TDRD1: variants seen among roughly 807,000 people sequenced by gnomAD.
The protein encoded by TDRD1 is tudor domain containing 1.
Under a neutral mutation model 140.6 loss-of-function variants are expected in TDRD1, and 37 were observed. That is an observed-to-expected ratio of 0.26 (90% CI 0.20 to 0.35). The LOEUF is 0.35. Among genes scored for constraint, TDRD1 ranks in the 10% least tolerant of loss-of-function variants. The pLI is 1.00. For synonymous variants in TDRD1, 506 were observed against 475.7 expected (o/e 1.06, Z -0.83); for missense variants, 1,243 against 1,393.0 (o/e 0.89, Z 1.71).
chr10:114,231,395 A>G (rs1262623848), intron 25 of TDRD1: 1 of 1,076,136 alleles, frequency 9.3e-7, no homozygotes, highest in African/African-American at 1.6e-5. Context: ...TTAAAAGTGA[A>G]TATTTTGTTT....
chr10:114,177,839 T>C (rs2032740014), upstream of TDRD1, among the ~76,000 whole-genome samples: 2 of 149,376 alleles, frequency 1.3e-5, no homozygotes, highest in African/African-American at 2.5e-5. Context: ...TTTTTCTTTT[T>C]TTTTTTTTTT....
intron 3 of TDRD1, among the ~76,000 whole-genome samples, chr10:114,194,413 T>C (rs1414711989): frequency 1.3e-5 from 2 of 152,182 alleles, no homozygotes; most frequent in African/African-American, 2.4e-5. Flanking sequence ...TCATATTGTG[T>C]TTGCATTTTT....
intron 23 of TDRD1, 75 bp downstream of exon 23, chr10:114,227,374 C>G: frequency 9.5e-7 from 1 of 1,050,332 alleles, no homozygotes; most frequent in Non-Finnish European, 1.5e-6. Context: ...GTTGACTTGA[C>G]CTTTTCTCAC....
intron 16 of TDRD1, among the ~76,000 whole-genome samples, chr10:114,216,197 C>A (rs915109259): frequency 6.6e-5 from 10 of 152,200 alleles, no homozygotes; most frequent in African/African-American, 2.4e-4. Flanking sequence ...ATTAAATGAA[C>A]CCCAAACTTT....
chr10:114,194,428 G>C (rs2034194790), intron 3 of TDRD1, among the ~76,000 whole-genome samples: 1 of 152,040 alleles, frequency 6.6e-6, no homozygotes, highest in African/African-American at 2.4e-5. Flanking sequence ...ATTTTTTAAG[G>C]AATTTGTTCA....
intron 6 of TDRD1, 58 bp from the exon 7 acceptor site, chr10:114,203,014 A>G (rs2034862325): frequency 1.8e-6 from 2 of 1,141,468 alleles, no homozygotes; most frequent in South Asian, 1.2e-5. Context: ...TAGTGGCCAT[A>G]GAATCATTGA....
Position 114,214,054 on chromosome 10 carries a change from G to A in TDRD1, c.2152G>A (p.Val718Ile), listed in dbSNP as rs150202214. The stretch of plus-strand genomic sequence containing the variant: ...ACTTGGTGTTGACCAAACAGTAGAT[G>A]TTGTGGTCTGTGTGATATATAGTCC... The change falls in exon 16 of 26, where the codon GTT (valine) becomes ATT (isoleucine). Residue 718 changes from valine (V) to isoleucine (I), a missense_variant. Val to Ile is a conservative substitution (Grantham distance 29). Around this residue, in one of 5 missense-constraint regions of TDRD1, gnomAD observed 601 missense variants for 734.7 expected, o/e 0.82. Transcript: ENST00000251864. The A allele has an allele frequency of 1.0e-3, 1,664 of 1,612,154 alleles. No individual in the cohort carries two copies. The highest frequency in any genetic ancestry group is 1.3e-3 in the Non-Finnish European group (1,536 of 1,178,190).
intron 21 of TDRD1, 54 bp downstream of exon 21, chr10:114,222,757 C>G: frequency 1.0e-6 from 1 of 1,001,720 alleles, no homozygotes; most frequent in Non-Finnish European, 1.6e-6. Flanking sequence ...CTGTTTTGTT[C>G]TACATGATAC....
chr10:114,228,403 T>C (rs2036564687), intron 25 of TDRD1: 1 of 1,159,158 alleles, frequency 8.6e-7, no homozygotes, highest in Non-Finnish European at 1.1e-6. Context: ...GCCTATGTTA[T>C]TGATATGTGG....
chr10:114,187,589 T>G (rs547275771), intron 1 of TDRD1, among the ~76,000 whole-genome samples: 1 of 152,298 alleles, frequency 6.6e-6, no homozygotes, highest in South Asian at 2.1e-4. Context: ...AACGCTGAGA[T>G]TTTTGATTTT....
Position 114,210,848 on chromosome 10 carries a change from C to T in TDRD1, c.1553-12C>T, listed in dbSNP as rs963504830. 5.6e-6 allele frequency: 9 copies of T among 1,613,798 alleles called. No individual in the cohort carries two copies. Among genetic ancestry groups the T allele is most frequent in the Admixed American group, 1.7e-5 (1 of 59,968 alleles). On this transcript the variant is annotated splice_polypyrimidine_tract_variant and intron_variant, in intron 12 of 25. Coordinates refer to ENST00000251864, the Ensembl canonical transcript of TDRD1. ...GATACGTATTTCTTTAAGATGTGAT[C>T]TTTATCTGCAGGAAAGCTTGCTGAA...
intron 1 of TDRD1, among the ~76,000 whole-genome samples, chr10:114,182,845 C>CA (rs1283418177): frequency 6.6e-6 from 1 of 152,020 alleles, no homozygotes; most frequent in Non-Finnish European, 1.5e-5. Flanking sequence ...CCACCATGCC[C>CA]AGCTAATTTT....
chr10:114,211,011 A>G, intron 13 of TDRD1, 44 bp downstream of exon 13: 3 of 1,454,474 alleles, frequency 2.1e-6, no homozygotes, highest in Non-Finnish European at 2.8e-6. Context: ...ATTTTTATTT[A>G]TTTTTTACTT....
intron 8 of TDRD1, 61 bp downstream of exon 8, chr10:114,203,628 A>G (rs2034908759): frequency 7.0e-7 from 1 of 1,434,258 alleles, no homozygotes; most frequent in South Asian, 1.4e-5. Flanking sequence ...GTATGAACTG[A>G]ACACCAGAGC....
At chr10:114,205,490 A>G (rs112938398) in intron 10 of TDRD1, among the ~76,000 whole-genome samples, 43 of 152,274 alleles carry the variant, frequency 2.8e-4, no homozygotes, top group Admixed American at 1.2e-3. Context: ...TCATGTTACA[A>G]TCTCAGCTTT....
chr10:114,215,327 G>T (rs961729919), intron 16 of TDRD1, among the ~76,000 whole-genome samples: 1 of 152,100 alleles, frequency 6.6e-6, no homozygotes, highest in Non-Finnish European at 1.5e-5. Flanking sequence ...GGCCTGTTTT[G>T]CTTGGGCTGT....
chr10:114,207,619 T>TTGA (rs2035210538), intron 11 of TDRD1, among the ~76,000 whole-genome samples: 3 of 152,098 alleles, frequency 2.0e-5, no homozygotes, highest in African/African-American at 7.2e-5. Flanking sequence ...GTAGTCATGG[T>TTGA]TGAAACCGTA....
intron 11 of TDRD1, among the ~76,000 whole-genome samples, chr10:114,207,299 A>C (rs896003730): frequency 6.6e-6 from 1 of 152,144 alleles, no homozygotes; most frequent in Non-Finnish European, 1.5e-5. Context: ...ATCATCCTTA[A>C]ATCTACCTTC....
chr10:114,206,412 G>T, intron 11 of TDRD1, 82 bp downstream of exon 11: 1 of 1,070,158 alleles, frequency 9.3e-7, no homozygotes. Context: ...CACAACTTTA[G>T]CACTGTTAAG....
Sources: allele counts gnomAD v4.1 joint callset (sites outside exome capture counted in the v4.1 genomes callset), GRCh38; gene constraint gnomAD v4.1.1; regional missense constraint gnomAD v4.1.1; transcripts MANE v1.5; gene names NCBI Gene and HGNC (gene_info 2026-07-23, HGNC 2026-07-21).